DNPEP: variants seen among roughly 807,000 people sequenced by gnomAD.
DNPEP encodes aspartyl aminopeptidase.
DNPEP carries 46 observed loss-of-function variants against 59.1 expected under a neutral mutation model. The observed-to-expected ratio is 0.78, with a 90% CI of 0.61 to 0.99. The LOEUF (loss-of-function observed/expected upper bound fraction) is 0.99. Ranked by LOEUF, DNPEP falls within the 50% of genes least tolerant of loss-of-function variation. The pLI is 0.00. For missense variants in DNPEP, 617 were observed against 649.9 expected (o/e 0.95, Z 0.55); for synonymous variants, 229 against 242.2 (o/e 0.95, Z 0.50).
intron 1 of DNPEP, 161 bp downstream of exon 1, chr2:219,387,598 C>A: frequency 6.5e-7 from 1 of 1,531,684 alleles, no homozygotes; most frequent in Non-Finnish European, 8.8e-7. Flanking sequence ...AGGACTCCCC[C>A]TTCCAGTCCC....
At position 219,375,003 on chromosome 2, in the gene DNPEP, T is replaced by C; in HGVS notation, c.1259A>G (p.Asp420Gly). Residue 420 changes from aspartate to glycine, a missense_variant, in exon 14 of 15, where the codon GAC becomes GGC. Coordinates refer to ENST00000273075, the MANE Select transcript of DNPEP (RefSeq NM_012100.4). ...TCCAATGGTGGTTCCACAGGGGGTG[T>C]CATTCCGGACCATGAGATCCTAGGG... Reference protein sequence around the residue: ...VPLQDLMVRNDTPCGTTIGPI... With the variant: ...VPLQDLMVRNGTPCGTTIGPI... The C allele has an allele frequency of 6.2e-7, 1 of 1,613,830 alleles. No individual in the cohort carries two copies. Among genetic ancestry groups the C allele is most frequent in the Non-Finnish European group, 8.5e-7 (1 of 1,179,976 alleles).
In DNPEP at chr2:219,386,679, T is replaced by A; in HGVS notation, c.319A>T (p.Ser107Cys). 1 of 1,612,080 alleles carries A rather than the reference T, an allele frequency of 6.2e-7. No individual in the cohort carries two copies. The highest frequency in any genetic ancestry group is 1.1e-5 in the South Asian group (1 of 90,414). Reference protein sequence around the residue: ...GFSLIGAHTDSPCLRVKRRSR... With the variant: ...GFSLIGAHTDCPCLRVKRRSR... ...GAGTTCCTTACCCGGAGGCAGGGGC[T>A]GTCCGTGTGGGCCCCGATGAGGCTG... Residue 107 changes from serine to cysteine, a missense_variant, in exon 4 of 15, where the codon AGC becomes TGC. Coordinates refer to ENST00000273075, the MANE Select transcript of DNPEP (RefSeq NM_012100.4).
At chr2:219,398,415 C>A (rs1361651617) in intron 1 of DNPEP, among the ~76,000 whole-genome samples, 1 of 152,192 alleles carries the variant, frequency 6.6e-6, no homozygotes, top group Non-Finnish European at 1.5e-5. Flanking sequence ...TCTGGGAGGC[C>A]AAGGCGGGTG....
intron 1 of DNPEP, among the ~76,000 whole-genome samples, chr2:219,398,431 C>G (rs985459691): frequency 6.6e-6 from 1 of 152,216 alleles, no homozygotes; most frequent in Non-Finnish European, 1.5e-5. Flanking sequence ...GGGTGGATCA[C>G]CTGAGGTCAG....
rs113433480 is a variant in DNPEP at position 219,375,818 on chromosome 2, G to A, written c.1240-796C>T. Among the ~76,000 whole-genome samples the A allele has an allele frequency of 1.6e-3, 239 of 152,218 alleles. 1 individual carries two copies. Among genetic ancestry groups the A allele is most frequent in the African/African-American group, 5.2e-3 (216 of 41,510 alleles). ...TTCAAGTGATCCACTACCTCTCAAA[G>A]TGCTGGGATTACAGGCCTGAGCTAC... On this transcript the variant is annotated intron_variant, in intron 13 of 14. Transcript: ENST00000273075.
Position 219,385,547 on chromosome 2 carries a change from A to G in DNPEP, c.667-16T>C, listed in dbSNP as rs1559338850. The G allele has an allele frequency of 6.2e-7, 1 of 1,607,098 alleles. No individual in the cohort carries two copies. Among genetic ancestry groups the G allele is most frequent in the Non-Finnish European group, 8.5e-7 (1 of 1,174,462 alleles). ...GCCGCTCATCCTGAAGAGCAGAAAG[A>G]TGCTGGGAAGAGTCCATTCCTCCTC... On this transcript the variant is annotated splice_polypyrimidine_tract_variant and intron_variant, in intron 7 of 14. Transcript: ENST00000273075.
Position 219,385,429 on chromosome 2 carries a change from G to T in DNPEP, c.769C>A (p.Pro257Thr). The change falls in exon 8 of 15, where the codon CCT becomes ACT. Residue 257 changes from proline to threonine, a missense_variant. By Grantham distance (38) the Pro-to-Thr change is conservative. Coordinates refer to ENST00000273075, the MANE Select transcript of DNPEP (RefSeq NM_012100.4). ...EMELCLADTQPAVLGGAYDEF... is the reference protein window; with the variant it reads ...EMELCLADTQTAVLGGAYDEF... ...TTCCTACAGCCAGTCCTCACCGCAG[G>T]CTGGGTGTCTGCAAGGCAGAGCTCC... 6.2e-7 allele frequency: 1 copy of T among 1,608,030 alleles called. No individual in the cohort carries two copies.
chr2:219,384,430 G>A lies in DNPEP; in HGVS notation c.788C>T (p.Ala263Val). The change falls in exon 9 of 15, where the codon GCC becomes GTC. Residue 263 changes from alanine to valine, a missense_variant. Ala to Val is a moderately conservative substitution (Grantham distance 64). Transcript: ENST00000273075. ...ADTQPAVLGG[A>V]YDEFIFAPRL... ...AGGAGCAAAGATGAACTCATCATAGGCACCACCCAAGACCTAGAGAGGTAA... is the reference window on the plus strand; with the variant it reads ...AGGAGCAAAGATGAACTCATCATAGACACCACCCAAGACCTAGAGAGGTAA... 2 of 1,611,208 alleles carry A rather than the reference G, an allele frequency of 1.2e-6. No individual in the cohort carries two copies. Among genetic ancestry groups the A allele is most frequent in the Non-Finnish European group, 1.7e-6 (2 of 1,178,762 alleles).
intron 13 of DNPEP, among the ~76,000 whole-genome samples, chr2:219,380,202 C>CTT (rs71040453): frequency 0.023 from 2,921 of 128,600 alleles, 76 homozygotes; most frequent in African/African-American, 0.066. Flanking sequence ...TTTTTCTTTT[C>CTT]TTTTTTTTTT....
At position 219,386,666 on chromosome 2, in the gene DNPEP, C is replaced by A; in HGVS notation, c.332G>T (p.Arg111Leu). Residue 111 changes from arginine (R) to leucine (L), a missense_variant and splice_region_variant, in exon 4 of 15, where the codon CGG becomes CTG. Arg to Leu is a moderately radical substitution (Grantham distance 102). Transcript: ENST00000273075. ...CCCAACACCGTCCGAGTTCCTTACC[C>A]GGAGGCAGGGGCTGTCCGTGTGGGC... ...IGAHTDSPCL[R>L]VKRRSRRSQV... 1 of 1,610,504 alleles carries A rather than the reference C, an allele frequency of 6.2e-7. No homozygotes were observed. The highest frequency in any genetic ancestry group is 8.5e-7 in the Non-Finnish European group (1 of 1,178,878).
At position 219,386,077 on chromosome 2, in the gene DNPEP, C is replaced by G. The variant is rs1374325564; in HGVS notation, c.481G>C (p.Glu161Gln). 6 of 1,614,096 alleles carry G rather than the reference C, an allele frequency of 3.7e-6. No homozygotes were observed. Among genetic ancestry groups the G allele is most frequent in the Non-Finnish European group, 5.1e-6 (6 of 1,180,000 alleles). ...CGCTCCACGTGCACCAGCTGCTGCT[C>G]CAGCCGACCTGAGGTAGGGCACTGC... is the stretch of plus-strand genomic sequence containing the variant. ...IVKCPTSGRLEQQLVHVERPI... is the reference protein window; with the variant it reads ...IVKCPTSGRLQQQLVHVERPI... Residue 161 changes from glutamate (E) to glutamine (Q), a missense_variant, in exon 6 of 15, where the codon GAG (glutamate) becomes CAG (glutamine). Coordinates refer to ENST00000273075, the MANE Select transcript of DNPEP (RefSeq NM_012100.4).
At chr2:219,396,140 G>A (rs541584016) in intron 1 of DNPEP, among the ~76,000 whole-genome samples, 3 of 152,088 alleles carry the variant, frequency 2.0e-5, no homozygotes, top group Non-Finnish European at 4.4e-5. Flanking sequence ...GGAGGATTTG[G>A]GGAGGGATGT....
rs889723946 is a variant in DNPEP at position 219,381,568 on chromosome 2, T to A, written c.1114A>T (p.Asn372Tyr). 6.2e-7 allele frequency: 1 copy of A among 1,613,948 alleles called. No homozygotes were observed. Among genetic ancestry groups the A allele is most frequent in the South Asian group, 1.1e-5 (1 of 91,068 alleles). The stretch of plus-strand genomic sequence containing the variant: ...ACCTTGTGGAATAAAGGCCGGTGGT[T>A]CTCCTCATGCTTGTCCCTGTAAGAG... ...HPNYLDKHEE[N>Y]HRPLFHKGPV... The change falls in exon 12 of 15, where the codon AAC becomes TAC. Residue 372 changes from asparagine (N) to tyrosine (Y), a missense_variant. Asn to Tyr is a moderately radical substitution (Grantham distance 143). Transcript: ENST00000273075.
chr2:219,386,527 TGTGAAGGAAGGGGCCAACAA>T, intron 4 of DNPEP, 116 bp from the exon 5 acceptor site: 2 of 1,513,178 alleles, frequency 1.3e-6, no homozygotes, highest in South Asian at 2.4e-5. Flanking sequence ...AGGCTCAAGG[TGTGAAGGAAGGGGCCAACAA>T]GTTTACCTTC....
At position 219,372,466 on chromosome 2, in the gene DNPEP, A is replaced by G. The variant is rs947524108; in HGVS notation, c.*1826T>C. Among the ~76,000 whole-genome samples the G allele has an allele frequency of 6.6e-6, 1 of 152,082 alleles. No homozygotes were observed. Among genetic ancestry groups the G allele is most frequent in the South Asian group, 2.1e-4 (1 of 4,816 alleles). On this transcript the variant is annotated 3_prime_UTR_variant, in exon 15 of 15. Coordinates refer to ENST00000273075, the MANE Select transcript of DNPEP (RefSeq NM_012100.4). ...CTGCAGCCTCTGCCTCCCTGGCTCAAGCTATTCTCCTGCCTCAGCCTCCCG... is the reference window on the plus strand; with the variant it reads ...CTGCAGCCTCTGCCTCCCTGGCTCAGGCTATTCTCCTGCCTCAGCCTCCCG...
chr2:219,374,475 A>C (rs1384385373), intron 14 of DNPEP, 133 bp from the exon 15 acceptor site: 2 of 795,566 alleles, frequency 2.5e-6, no homozygotes, highest in African/African-American at 3.4e-5. Flanking sequence ...CAGCCACCCC[A>C]GTCTTCTCAG....
chr2:219,387,478 C>A (rs1953899362), intron 1 of DNPEP: 3 of 1,435,692 alleles, frequency 2.1e-6, no homozygotes, highest in Non-Finnish European at 2.8e-6. Flanking sequence ...CCCAAGCGGG[C>A]CCCATACTCT....
At chr2:219,380,206 T>TC (rs1004040607) in intron 13 of DNPEP, among the ~76,000 whole-genome samples, 4 of 149,446 alleles carry the variant, frequency 2.7e-5, no homozygotes, top group Admixed American at 6.7e-5. Flanking sequence ...TCTTTTCTTT[T>TC]TTTTTTTTTT....
In DNPEP at chr2:219,385,676, C is replaced by T. The variant is rs1220670294; in HGVS notation, c.621G>A (p.Glu207=). ...GCTCAGGAGTCCCCTTCTCCAGCTC[C>T]TCCTGGATGGCTGTGGCAAGAATGG... ...LVPILATAIQ[E]ELEKGTPEPG... The change falls in exon 7 of 15, where the codon GAG becomes GAA. Residue 207 remains glutamate (E), a synonymous_variant. Coordinates refer to ENST00000273075, the MANE Select transcript of DNPEP (RefSeq NM_012100.4). 6.2e-7 allele frequency: 1 copy of T among 1,609,346 alleles called. No individual in the cohort carries two copies. The highest frequency in any genetic ancestry group is 1.7e-5 in the Admixed American group (1 of 59,430).
Sources: gnomAD v4.1 joint callset for allele counts (sites outside exome capture counted in the v4.1 genomes callset) on GRCh38, gnomAD v4.1.1 for gene constraint, MANE v1.5 for transcripts, NCBI Gene and HGNC (gene_info 2026-07-23, HGNC 2026-07-21) for gene names.